The following ZFTA variants were observed in gnomAD, a reference collection of about 807,000 sequenced individuals.
ZFTA encodes the protein zinc finger translocation-associated protein.
In ZFTA, 35 loss-of-function variants were observed where a neutral mutation model predicts 41.8. That is an observed-to-expected ratio of 0.84 (90% CI 0.64 to 1.11). The LOEUF (loss-of-function observed/expected upper bound fraction) is 1.11. Ranked by LOEUF, ZFTA falls within the 50% of genes most tolerant of loss-of-function variation. The probability of loss-of-function intolerance (pLI) is 0.00; values close to 1 mark genes in which losing one functional copy is unlikely to be tolerated. For missense variants in ZFTA, 964 were observed against 989.8 expected (o/e 0.97, Z 0.35); for synonymous variants, 514 against 436.4 (o/e 1.18, Z -2.22).
chr11:63,764,723 T>A (rs2014716315), intron 3 of ZFTA, 125 bp from the exon 4 acceptor site: 1 of 1,351,886 alleles, frequency 7.4e-7, no homozygotes. Flanking sequence ...TGTCTCTGTC[T>A]GGGGGCAGGG....
At position 63,765,150 on chromosome 11, in the gene ZFTA, TG is replaced by T; in HGVS notation, c.741del (p.Ser248AlafsTer13). 6.5e-7 allele frequency: 1 copy of T among 1,546,542 alleles called. No homozygotes were observed. The highest frequency in any genetic ancestry group is 8.7e-7 in the Non-Finnish European group (1 of 1,145,878). Reference protein sequence around the residue: ...LRLSASRRAGGSRGLGARRLE... With the variant: ...LRLSASRRAGXSRGLGARRLE... The stretch of plus-strand genomic sequence containing the variant: ...AGGCGCCGGGCCCCCAGCCCCCTGC[TG>T]CCCCCGGCCCTCCGGGAGGCTGAGA... On this transcript the variant is annotated frameshift_variant, in exon 3 of 5. Transcript: ENST00000433688. LOFTEE classifies it high-confidence loss of function. This position sits in a 1 kb window ranked among gnomAD's most constrained non-coding sequence, Gnocchi z 4.0.
rs2014693548 is a variant in ZFTA, at chr11:63,763,785, C to A, written c.1670G>T (p.Gly557Val). ...EDEEDGQEPGGLALPPPPPPP... is the reference protein window; with the variant it reads ...EDEEDGQEPGVLALPPPPPPP... ...AGGAGGCGGCGGCGGCAAGGCGAGT[C>A]CCCCAGGCTCCTGGCCGTCCTCTTC... The change falls in exon 5 of 5, where the codon GGA (glycine) becomes GTA (valine). Residue 557 changes from glycine (G) to valine (V), a missense_variant. Around this residue, in one of 5 missense-constraint regions of ZFTA, gnomAD observed 584 missense variants for 523.1 expected, o/e 1.12. Coordinates refer to ENST00000433688, the MANE Select transcript of ZFTA (RefSeq NM_001144936.2). The A allele has an allele frequency of 6.9e-7, 1 of 1,457,626 alleles. No individual in the cohort carries two copies. The highest frequency in any genetic ancestry group is 9.0e-7 in the Non-Finnish European group (1 of 1,107,096). 90.3% of individuals were successfully genotyped at this position (1,457,626 alleles called of 1,614,324 possible).
chr11:63,768,634 C>T lies in ZFTA; in HGVS notation c.-12G>A, dbSNP rs2014787283. 4 of 984,118 alleles carry T rather than the reference C, an allele frequency of 4.1e-6. No individual in the cohort carries two copies. The highest frequency in any genetic ancestry group is 6.3e-5 in the Admixed American group (1 of 15,848). The allele number at this position is 984,118 out of a possible 1,614,324, so 61.0% of individuals were successfully genotyped here. A position where few individuals can be genotyped will look rare whatever the true frequency, so the allele number is the denominator to read the frequency against. ...CCGCCGGGCTCCATGCGCTGCGCTG[C>T]GGAGCGGGGCCCCGGGGCGGCGGGG... is the stretch of plus-strand genomic sequence containing the variant. On this transcript the variant is annotated 5_prime_UTR_variant, in exon 1 of 5. Coordinates refer to ENST00000433688, the MANE Select transcript of ZFTA (RefSeq NM_001144936.2).
Position 63,765,419 on chromosome 11 carries a change from C to T in ZFTA, c.638-165G>A, listed in dbSNP as rs1192138882. On this transcript the variant is annotated intron_variant, in intron 2 of 4. Transcript: ENST00000433688. This position sits in a 1 kb window ranked among gnomAD's most constrained non-coding sequence, Gnocchi z 4.0. ...AACTCCCTAAACCCTCCTCTGCTAG[C>T]ATTTCAAGCACCACCCACACCTCCC... 3.3e-5 allele frequency among the ~76,000 whole-genome samples: 5 copies of T among 152,108 alleles called. No homozygotes were observed. The highest frequency in any genetic ancestry group is 4.4e-5 in the Non-Finnish European group (3 of 68,020).
chr11:63,763,989 A>T (rs1268229340), intron 4 of ZFTA, 49 bp downstream of exon 4: 1 of 1,303,822 alleles, frequency 7.7e-7, no homozygotes, highest in Non-Finnish European at 9.9e-7. Flanking sequence ...CTTCTGCCCC[A>T]GCAACTGCCC....
In ZFTA at chr11:63,764,164, G is replaced by C. The variant is rs2014704145; in HGVS notation, c.1459C>G (p.Leu487Val). 4 of 1,371,770 alleles carry C rather than the reference G, an allele frequency of 2.9e-6. No individual in the cohort carries two copies. The highest frequency in any genetic ancestry group is 1.9e-6 in the Non-Finnish European group (2 of 1,070,194). The allele number at this position is 1,371,770 out of a possible 1,614,324, so 85.0% of individuals were successfully genotyped here. A position where few individuals can be genotyped will look rare whatever the true frequency, so the allele number is the denominator to read the frequency against. ...GGGCGGGGCGGCCCCAGGGCCAGCA[G>C]GTGGGCGGCCTTCTCGCTCCACTCC... Reference protein sequence around the residue: ...AREWSEKAAHLLALGPPRPES... With the variant: ...AREWSEKAAHVLALGPPRPES... Residue 487 changes from leucine (L) to valine (V), a missense_variant, in exon 4 of 5, where the codon CTG (leucine) becomes GTG (valine). Physicochemically the swap from Leu to Val is conservative, Grantham distance 32. Around this residue, in one of 5 missense-constraint regions of ZFTA, gnomAD observed 584 missense variants for 523.1 expected, o/e 1.12. Coordinates refer to ENST00000433688, the MANE Select transcript of ZFTA (RefSeq NM_001144936.2).
Position 63,764,232 on chromosome 11 carries a change from C to A in ZFTA, c.1391G>T (p.Gly464Val). 2.1e-6 allele frequency: 3 copies of A among 1,437,978 alleles called. No individual in the cohort carries two copies. Among genetic ancestry groups the A allele is most frequent in the Non-Finnish European group, 9.1e-7 (1 of 1,104,254 alleles). 89.1% of individuals were successfully genotyped at this position (1,437,978 alleles called of 1,614,324 possible). ...GACAGGCCCGCCGAGGCGCGTGGAGCCCGGGTGGCGCCGGCGGATGTGGCG... is the reference window on the plus strand; with the variant it reads ...GACAGGCCCGCCGAGGCGCGTGGAGACCGGGTGGCGCCGGCGGATGTGGCG... Reference protein sequence around the residue: ...IERHIRRRHPGSTRLGGPVQA... With the variant: ...IERHIRRRHPVSTRLGGPVQA... The change falls in exon 4 of 5, where the codon GGC becomes GTC. Residue 464 changes from glycine to valine, a missense_variant. Transcript: ENST00000433688.
In ZFTA at chr11:63,763,944, C is replaced by G. The variant is rs998199128; in HGVS notation, c.1586-75G>C. 4 of 1,362,218 alleles carry G rather than the reference C, an allele frequency of 2.9e-6. No individual in the cohort carries two copies. In the East Asian group the frequency reaches 1.1e-4, roughly 39 times the overall value. The allele number at this position is 1,362,218 out of a possible 1,614,324, so 84.4% of individuals were successfully genotyped here. ...GGGCCCCGCGTCTCATCTCCAGTCA[C>G]CCCATCTTTGCCCTTCTATCCCATC... On this transcript the variant is annotated intron_variant, in intron 4 of 4. Coordinates refer to ENST00000433688, the MANE Select transcript of ZFTA (RefSeq NM_001144936.2).
At position 63,765,959 on chromosome 11, in the gene ZFTA, A is replaced by T; in HGVS notation, c.485T>A (p.Val162Asp). The T allele has an allele frequency of 6.4e-7, 1 of 1,551,508 alleles. No individual in the cohort carries two copies. Among genetic ancestry groups the T allele is most frequent in the Non-Finnish European group, 8.7e-7 (1 of 1,146,918 alleles). The change falls in exon 2 of 5, where the codon GTC becomes GAC. Residue 162 changes from valine (V) to aspartate (D), a missense_variant. Val to Asp is a radical substitution (Grantham distance 152). Around this residue, in one of 5 missense-constraint regions of ZFTA, gnomAD observed 141 missense variants for 216.7 expected, o/e 0.65. Coordinates refer to ENST00000433688, the MANE Select transcript of ZFTA (RefSeq NM_001144936.2). The surrounding 1 kb of genome is among the most constrained non-coding windows in gnomAD (Gnocchi z 4.0). The stretch of plus-strand genomic sequence containing the variant: ...GTGTGCATCCCAGCTGTTGCTGATG[A>T]CTTCCTTCTCCCGGGGACTCCAATG... ...SLHWSPREKE[V>D]ISNSWDAHLG... is the part of the protein sequence containing the mutation.
rs1018257153 is a variant in ZFTA, at chr11:63,763,760, A to C, written c.1695T>G (p.Pro565=). The change falls in exon 5 of 5, where the codon CCT becomes CCG. Residue 565 remains proline (P), a synonymous_variant. Coordinates refer to ENST00000433688, the MANE Select transcript of ZFTA (RefSeq NM_001144936.2). The part of the protein sequence containing the change: ...PGGLALPPPP[P]PPPPPPPRSR... ...TGCGGGGCGGGGGCGGAGGCGGGGG[A>C]GGAGGCGGCGGCGGCAAGGCGAGTC... 3 of 1,465,446 alleles carry C rather than the reference A, an allele frequency of 2.0e-6. No individual in the cohort carries two copies. The highest frequency in any genetic ancestry group is 1.5e-5 in the African/African-American group (1 of 68,166). 90.8% of individuals were successfully genotyped at this position (1,465,446 alleles called of 1,614,324 possible).
rs1157427540 is a variant in ZFTA at position 63,761,983 on chromosome 11, T to C, written c.*1435A>G. ...GGGGCTGGACCACGCTGCCCAGGCA[T>C]CTCTTCCTCCAGACCCAACCCTCAA... On this transcript the variant is annotated 3_prime_UTR_variant, in exon 5 of 5. Transcript: ENST00000433688. The C allele has an allele frequency of 6.6e-6, 1 of 152,366 alleles. No individual in the cohort carries two copies. The highest frequency in any genetic ancestry group is 1.9e-4 in the East Asian group (1 of 5,194). 9.4% of individuals were successfully genotyped at this position (152,366 alleles called of 1,614,324 possible).
Position 63,763,608 on chromosome 11 carries a change from G to T in ZFTA, c.1847C>A (p.Thr616Asn). The change falls in exon 5 of 5, where the codon ACC (threonine) becomes AAC (asparagine). Residue 616 changes from threonine (T) to asparagine (N), a missense_variant. This residue lies in a region of ZFTA where 63 missense variants were observed against 97.8 expected (regional missense o/e 0.64). Transcript: ENST00000433688. ...GGALATLKVSTIKRHILQVHP... is the reference protein window; with the variant it reads ...GGALATLKVSNIKRHILQVHP... ...CACCTGCAGGATGTGGCGCTTGATGGTGCTCACCTTGAGCGTGGCCAGCGC... is the reference window on the plus strand; with the variant it reads ...CACCTGCAGGATGTGGCGCTTGATGTTGCTCACCTTGAGCGTGGCCAGCGC... 1.3e-6 allele frequency: 2 copies of T among 1,548,906 alleles called. No individual in the cohort carries two copies. Among genetic ancestry groups the T allele is most frequent in the Non-Finnish European group, 1.7e-6 (2 of 1,145,586 alleles).
In ZFTA at chr11:63,764,611, G is replaced by T. The variant is rs1362064582; in HGVS notation, c.1025-13C>A. On this transcript the variant is annotated splice_polypyrimidine_tract_variant and intron_variant, in intron 3 of 4. Coordinates refer to ENST00000433688, the MANE Select transcript of ZFTA (RefSeq NM_001144936.2). ...GCGAGGTCATCGCCTGTTGGGGAAG[G>T]GGTGAGGGAGAGGGGCTCAGCCTGC... 2 of 1,262,150 alleles carry T rather than the reference G, an allele frequency of 1.6e-6. No homozygotes were observed. Among genetic ancestry groups the T allele is most frequent in the Non-Finnish European group, 2.0e-6 (2 of 1,002,040 alleles). The allele number at this position is 1,262,150 out of a possible 1,614,324, so 78.2% of individuals were successfully genotyped here. A position where few individuals can be genotyped will look rare whatever the true frequency, so the allele number is the denominator to read the frequency against.
chr11:63,767,148 A>G (rs2014758472), intron 1 of ZFTA, among the ~76,000 whole-genome samples: 2 of 152,092 alleles, frequency 1.3e-5, no homozygotes, highest in African/African-American at 4.8e-5. Context: ...GGCCCCACTA[A>G]CCCAATGGTG....
Position 63,765,086 on chromosome 11 carries a change from C to T in ZFTA, c.806G>A (p.Arg269Gln), listed in dbSNP as rs1301521859. ...RLKESLQNWF[R>Q]AECLMDYDPR... The stretch of plus-strand genomic sequence containing the variant: ...GTCATAGTCCATGAGACACTCGGCC[C>T]GGAACCAGTTCTGCAGGGACTCCTT... The change falls in exon 3 of 5, where the codon CGG (arginine) becomes CAG (glutamine). Residue 269 changes from arginine (R) to glutamine (Q), a missense_variant. Coordinates refer to ENST00000433688, the MANE Select transcript of ZFTA (RefSeq NM_001144936.2). The surrounding 1 kb of genome is among the most constrained non-coding windows in gnomAD (Gnocchi z 4.0). 1.3e-6 allele frequency: 2 copies of T among 1,548,844 alleles called. No individual in the cohort carries two copies. Among genetic ancestry groups the T allele is most frequent in the African/African-American group, 2.7e-5 (2 of 73,094 alleles).
In ZFTA at chr11:63,763,748, CGGAGGCGGGGGA is replaced by C. The variant is rs753364149; in HGVS notation, c.1695_1706del (p.Pro569_Pro572del). 171 of 1,484,372 alleles carry C rather than the reference CGGAGGCGGGGGA, an allele frequency of 1.2e-4. 1 individual carries two copies. Among genetic ancestry groups the C allele is most frequent in the African/African-American group, 2.9e-4 (20 of 69,364 alleles). The allele number at this position is 1,484,372 out of a possible 1,614,324, so 92.0% of individuals were successfully genotyped here. ...GCTGCTCCCGGCTGCGGGGCGGGGG[CGGAGGCGGGGGA>C]GGAGGCGGCGGCGGCAAGGCGAGTC... On this transcript the variant is annotated inframe_deletion, in exon 5 of 5. Coordinates refer to ENST00000433688, the MANE Select transcript of ZFTA (RefSeq NM_001144936.2).
At position 63,763,463 on chromosome 11, in the gene ZFTA, A is replaced by C. The variant is rs369118179; in HGVS notation, c.1992T>G (p.Arg664=). The C allele has an allele frequency of 3.1e-4, 450 of 1,464,348 alleles. 4 individuals are homozygous for C. In the South Asian group the frequency reaches 5.8e-3, roughly 19 times the overall value. The allele number at this position is 1,464,348 out of a possible 1,614,324, so 90.7% of individuals were successfully genotyped here. The change falls in exon 5 of 5, where the codon CGT becomes CGG. Residue 664 remains arginine (R), a synonymous_variant. Transcript: ENST00000433688. ...CAGACTTGAGGTCCGCGCCGCCGTC[A>C]CGCGGCGCCGGGGCGGGCGGCCCGA... is the stretch of plus-strand genomic sequence containing the variant. The part of the protein sequence containing the change: ...EGFGPPAPAP[R]DGGADLKSGA...
chr11:63,763,808 TTCGTCCTCC>T lies in ZFTA; in HGVS notation c.1638_1646del (p.Glu549_Asp551del). On this transcript the variant is annotated inframe_deletion, in exon 5 of 5. Transcript: ENST00000433688. ...GTCCCCCAGGCTCCTGGCCGTCCTC[TTCGTCCTCC>T]TCTTCTTCGGCGGGCCGCTCCAAGG... is the stretch of plus-strand genomic sequence containing the variant. 2 of 1,448,212 alleles carry T rather than the reference TTCGTCCTCC, an allele frequency of 1.4e-6. No homozygotes were observed. Among genetic ancestry groups the T allele is most frequent in the South Asian group, 3.0e-5 (2 of 66,588 alleles). The allele number at this position is 1,448,212 out of a possible 1,614,324, so 89.7% of individuals were successfully genotyped here.
chr11:63,767,940 G>C (rs575569277), intron 1 of ZFTA, among the ~76,000 whole-genome samples: 1 of 152,286 alleles, frequency 6.6e-6, no homozygotes, highest in Admixed American at 6.5e-5. Flanking sequence ...CGGGGCGCAA[G>C]CGATGCACTT....
Sources: gnomAD v4.1 joint callset for allele counts (sites outside exome capture counted in the v4.1 genomes callset) on GRCh38, gnomAD v4.1.1 for gene constraint, gnomAD v4.1.1 regional missense constraint, Gnocchi (gnomAD v3.1) non-coding constraint, MANE v1.5 for transcripts, NCBI Gene and HGNC (gene_info 2026-07-23, HGNC 2026-07-21) for gene names.